OR1J2: variants seen among roughly 807,000 people sequenced by gnomAD.
OR1J2 encodes the protein olfactory receptor family 1 subfamily J member 2.
For missense variants in OR1J2, 304 were observed against 246.1 expected (o/e 1.24, Z -1.57); for synonymous variants, 142 against 99.7 (o/e 1.42, Z -2.52).
At chr9:122,495,830 A>T in the OR1J2 span, among the ~76,000 whole-genome samples, 1 of 152,032 alleles carries the variant, frequency 6.6e-6, no homozygotes, top group Non-Finnish European at 1.5e-5. Context: ...CAGAAGGAAG[A>T]TCTGGGATTC....
chr9:122,484,903 A>G, the OR1J2 span, among the ~76,000 whole-genome samples: 1 of 152,064 alleles, frequency 6.6e-6, no homozygotes, highest in African/African-American at 2.4e-5. Context: ...GAATGGTGGT[A>G]TGCGCCTGTG....
At chr9:122,553,794 A>G in the OR1J2 span, 2 of 1,613,974 alleles carry the variant, frequency 1.2e-6, no homozygotes, top group Non-Finnish European at 1.7e-6. Context: ...CTGCTCAGAT[A>G]CCCATGTAAA....
the OR1J2 span, chr9:122,554,148 A>G: frequency 6.2e-7 from 1 of 1,611,056 alleles, no homozygotes; most frequent in African/African-American, 1.3e-5. Flanking sequence ...CAGTGGAAAA[A>G]CATTCTTTTT....
the OR1J2 span, chr9:122,568,427 T>A: frequency 4.3e-5 from 70 of 1,611,358 alleles, 2 homozygotes; most frequent in East Asian, 1.5e-3. Flanking sequence ...GGGAGGAGAG[T>A]CCCAGGAGGA....
chr9:122,474,668 T>C, the OR1J2 span, among the ~76,000 whole-genome samples: 1 of 152,222 alleles, frequency 6.6e-6, no homozygotes, highest in Non-Finnish European at 1.5e-5. Flanking sequence ...TCCAAGAAGT[T>C]TCTAAGAGCT....
chr9:122,482,467 C>T, the OR1J2 span, among the ~76,000 whole-genome samples: 1 of 152,030 alleles, frequency 6.6e-6, no homozygotes, highest in South Asian at 2.1e-4. Context: ...ATGGAGATTT[C>T]TCAAAAAATT....
the OR1J2 span, among the ~76,000 whole-genome samples, chr9:122,569,951 T>C: frequency 6.6e-6 from 1 of 150,698 alleles, no homozygotes; most frequent in East Asian, 1.9e-4. Flanking sequence ...GTTCTTGCGA[T>C]AGTTTACTGA....
the OR1J2 span, among the ~76,000 whole-genome samples, chr9:122,505,594 TTAGACC>T: frequency 6.6e-6 from 1 of 152,192 alleles, no homozygotes; most frequent in Non-Finnish European, 1.5e-5. Context: ...CTATGATGTC[TTAGACC>T]TAGATATGAA....
chr9:122,520,852 C>G, the OR1J2 span, among the ~76,000 whole-genome samples: 1 of 152,240 alleles, frequency 6.6e-6, no homozygotes, highest in African/African-American at 2.4e-5. Flanking sequence ...TATTATATGC[C>G]CAAGTCATCT....
At chr9:122,528,851 T>C in the OR1J2 span, among the ~76,000 whole-genome samples, 1 of 152,336 alleles carries the variant, frequency 6.6e-6, no homozygotes, top group Non-Finnish European at 1.5e-5. Context: ...GAAGATACGG[T>C]ATGAAAACCA....
chr9:122,576,216 T>C, the OR1J2 span, among the ~76,000 whole-genome samples: 38,820 of 150,974 alleles, frequency 0.26, 5,426 homozygotes, highest in African/African-American at 0.32. Context: ...AACATTTTCT[T>C]TTTTACATTT....
chr9:122,514,412 A>G (rs1828673608), downstream of OR1J2, among the ~76,000 whole-genome samples: 1 of 152,182 alleles, frequency 6.6e-6, no homozygotes, highest in Non-Finnish European at 1.5e-5. Flanking sequence ...TTTGCTTAGG[A>G]TGATGGCCTC....
chr9:122,574,453 A>T, the OR1J2 span, among the ~76,000 whole-genome samples: 1 of 152,086 alleles, frequency 6.6e-6, no homozygotes, highest in African/African-American at 2.4e-5. Context: ...GGGGGTGCTA[A>T]TGTAAATGAT....
At chr9:122,577,186 T>G in the OR1J2 span, among the ~76,000 whole-genome samples, 2 of 152,240 alleles carry the variant, frequency 1.3e-5, no homozygotes, top group African/African-American at 4.8e-5. Context: ...GTCTTTTTTT[T>G]AACCTCTAAA....
At chr9:122,578,707 A>G in the OR1J2 span, among the ~76,000 whole-genome samples, 265 of 152,274 alleles carry the variant, frequency 1.7e-3, no homozygotes, top group African/African-American at 5.9e-3. Context: ...TAACTCAGGA[A>G]TGGAAAACCA....
the OR1J2 span, among the ~76,000 whole-genome samples, chr9:122,525,793 A>G: frequency 6.6e-6 from 1 of 152,116 alleles, no homozygotes; most frequent in Non-Finnish European, 1.5e-5. Context: ...TTTGATGGGG[A>G]TCTCTTTAGC....
At chr9:122,477,753 G>A in the OR1J2 span, 2,852 of 1,614,112 alleles carry the variant, frequency 1.8e-3, 44 homozygotes, top group East Asian at 0.041. Flanking sequence ...AGAAGTACAT[G>A]GGGGTGTGAA....
the OR1J2 span, chr9:122,527,216 G>A: frequency 3.5e-5 from 57 of 1,613,936 alleles, no homozygotes; most frequent in African/African-American, 4.8e-4. Context: ...GGAAAATTCC[G>A]AAGAGGGACT....
At chr9:122,479,418 C>G in the OR1J2 span, among the ~76,000 whole-genome samples, 1 of 152,180 alleles carries the variant, frequency 6.6e-6, no homozygotes, top group Non-Finnish European at 1.5e-5. Context: ...TTTTGTATCT[C>G]ATTTCTATAT....
Sources: allele counts gnomAD v4.1 joint callset (sites outside exome capture counted in the v4.1 genomes callset), GRCh38; gene constraint gnomAD v4.1.1; transcripts MANE v1.5; gene names NCBI Gene and HGNC (gene_info 2026-07-23, HGNC 2026-07-21).